The following NDUFA5 variants were observed in gnomAD, a reference collection of about 807,000 sequenced individuals.
The protein encoded by NDUFA5 is NADH:ubiquinone oxidoreductase subunit A5, also known as NADH dehydrogenase [ubiquinone] 1 alpha subcomplex subunit 5.
NDUFA5 carries 11 observed loss-of-function variants against 19.8 expected under a neutral mutation model. That is an observed-to-expected ratio of 0.56 (90% CI 0.35 to 0.92). The LOEUF is 0.92. Ranked by LOEUF, NDUFA5 falls within the 40% of genes least tolerant of loss-of-function variation. NDUFA5 has a pLI of 0.01. For missense variants in NDUFA5, 109 were observed against 134.2 expected (o/e 0.81, Z 0.93); for synonymous variants, 47 against 46.8 (o/e 1.00, Z -0.01).
At chr7:123,585,808 A>G in the NDUFA5 span, among the ~76,000 whole-genome samples, 3 of 151,836 alleles carry the variant, frequency 2.0e-5, no homozygotes, top group Non-Finnish European at 4.4e-5. Context: ...TAGATTCCAC[A>G]TATAAGAGAT....
rs1797777848 is a variant in NDUFA5 at position 123,537,178 on chromosome 7, T to C, written c.*4941A>G. On this transcript the variant is annotated 3_prime_UTR_variant, in exon 5 of 5. Coordinates refer to ENST00000355749, the MANE Select transcript of NDUFA5 (RefSeq NM_005000.5). ...ACGACTTCGTATTTCTCATGAAACA[T>C]CTACCTTTATTCATCTCAGCATTTA... is the stretch of plus-strand genomic sequence containing the variant. The C allele has an allele frequency of 6.6e-6, 1 of 152,208 alleles. No individual in the cohort carries two copies. Among genetic ancestry groups the C allele is most frequent in the South Asian group, 2.1e-4 (1 of 4,836 alleles). The allele number at this position is 152,208 out of a possible 1,614,324, so 9.4% of individuals were successfully genotyped here.
At chr7:123,557,053 T>C (rs978114883) in intron 2 of NDUFA5, 27 of 520,294 alleles carry the variant, frequency 5.2e-5, no homozygotes, top group Admixed American at 1.1e-4. Flanking sequence ...AGCCTAAATA[T>C]ATGTAATCCA....
At chr7:123,557,539 C>A (rs1798606858) in intron 1 of NDUFA5, 91 bp from the exon 2 acceptor site, 1 of 1,611,122 alleles carries the variant, frequency 6.2e-7, no homozygotes, top group Non-Finnish European at 8.5e-7. Context: ...AATCCCCCGG[C>A]TAAAACTGGT....
At chr7:123,560,282 T>C (rs1798672201), upstream of NDUFA5, among the ~76,000 whole-genome samples, 1 of 152,192 alleles carries the variant, frequency 6.6e-6, no homozygotes, top group African/African-American at 2.4e-5. Flanking sequence ...CAAATATTTT[T>C]CCACTCTCAC....
rs1258555746 is a variant in NDUFA5, at chr7:123,539,596, G to T, written c.*2523C>A. The stretch of plus-strand genomic sequence containing the variant: ...AAACACTGAAGATCTCTGAATAAAA[G>T]AATCATTTGCAAAGTGATCAGGAGA... On this transcript the variant is annotated 3_prime_UTR_variant, in exon 5 of 5. Coordinates refer to ENST00000355749, the MANE Select transcript of NDUFA5 (RefSeq NM_005000.5). 1 of 152,154 alleles carries T rather than the reference G, an allele frequency of 6.6e-6. No individual in the cohort carries two copies. Among genetic ancestry groups the T allele is most frequent in the East Asian group, 1.9e-4 (1 of 5,188 alleles). 9.4% of individuals were successfully genotyped at this position (152,154 alleles called of 1,614,324 possible). A position where few individuals can be genotyped will look rare whatever the true frequency, so the allele number is the denominator to read the frequency against.
At chr7:123,549,039 A>C (rs1186564794) in intron 3 of NDUFA5, among the ~76,000 whole-genome samples, 1 of 152,236 alleles carries the variant, frequency 6.6e-6, no homozygotes, top group African/African-American at 2.4e-5. Flanking sequence ...GAGATGATTT[A>C]AAGTATACAA....
chr7:123,548,063 T>C (rs1253784234), intron 3 of NDUFA5, among the ~76,000 whole-genome samples: 1 of 152,068 alleles, frequency 6.6e-6, no homozygotes, highest in Admixed American at 6.6e-5. Flanking sequence ...AAACAACGCT[T>C]TTCACCAAAA....
chr7:123,576,374 T>G, the NDUFA5 span, among the ~76,000 whole-genome samples: 1 of 152,094 alleles, frequency 6.6e-6, no homozygotes, highest in African/African-American at 2.4e-5. Context: ...GTAAAATATA[T>G]GATCATAATT....
chr7:123,587,311 A>G, the NDUFA5 span, among the ~76,000 whole-genome samples: 2 of 151,588 alleles, frequency 1.3e-5, no homozygotes, highest in Admixed American at 6.6e-5. Context: ...TAGCTATTGT[A>G]TATGGGATTT....
At chr7:123,578,718 T>C in the NDUFA5 span, among the ~76,000 whole-genome samples, 1 of 152,126 alleles carries the variant, frequency 6.6e-6, no homozygotes, top group East Asian at 1.9e-4. Context: ...AGACATTGAA[T>C]GCACGGTTAG....
At chr7:123,593,914 AC>A in the NDUFA5 span, among the ~76,000 whole-genome samples, 209 of 152,270 alleles carry the variant, frequency 1.4e-3, no homozygotes, top group African/African-American at 4.9e-3. Context: ...TTTCAGGTAC[AC>A]CAATCAAACA....
At chr7:123,561,185 C>T (rs558634149), upstream of NDUFA5, among the ~76,000 whole-genome samples, 21 of 152,306 alleles carry the variant, frequency 1.4e-4, no homozygotes, top group African/African-American at 5.1e-4. Context: ...AAAGATTTGT[C>T]AGTAGCAGAA....
the NDUFA5 span, among the ~76,000 whole-genome samples, chr7:123,569,246 G>A: frequency 6.6e-6 from 1 of 152,116 alleles, no homozygotes; most frequent in African/African-American, 2.4e-5. Flanking sequence ...TCTTAACATT[G>A]AGGGAATAAA....
chr7:123,588,862 T>C, the NDUFA5 span, among the ~76,000 whole-genome samples: 20 of 151,960 alleles, frequency 1.3e-4, no homozygotes, highest in African/African-American at 4.8e-4. Flanking sequence ...AATCTTCACA[T>C]ATTTTTTAAT....
At position 123,557,428 on chromosome 7, in the gene NDUFA5, C is replaced by G. The variant is rs1471829378; in HGVS notation, c.42G>C (p.Leu14Phe). Residue 14 changes from leucine (L) to phenylalanine (F), a missense_variant, in exon 2 of 5, where the codon TTG (leucine) becomes TTC (phenylalanine). Physicochemically the swap from Leu to Phe is conservative, Grantham distance 22. Coordinates refer to ENST00000355749, the MANE Select transcript of NDUFA5 (RefSeq NM_005000.5). ...VLKKTTGLVG[L>F]AVCNTPHERL... Reference sequence around the variant, plus strand: ...CCTCGTGAGGAGTATTGCACACAGCCAATCCCACAAGGCCAGTGGTCTGTT... The same window carrying G: ...CCTCGTGAGGAGTATTGCACACAGCGAATCCCACAAGGCCAGTGGTCTGTT... 1 of 1,612,938 alleles carries G rather than the reference C, an allele frequency of 6.2e-7. No homozygotes were observed. Among genetic ancestry groups the G allele is most frequent in the South Asian group, 1.1e-5 (1 of 90,930 alleles).
chr7:123,540,399 T>A lies in NDUFA5; in HGVS notation c.*1720A>T, dbSNP rs1797887103. 6.6e-6 allele frequency: 1 copy of A among 152,194 alleles called. No homozygotes were observed. The highest frequency in any genetic ancestry group is 1.5e-5 in the Non-Finnish European group (1 of 68,030). The allele number at this position is 152,194 out of a possible 1,614,324, so 9.4% of individuals were successfully genotyped here. ...AAAGATGCCCAAGAATCATGGCAGA[T>A]ACGGGACTGAAAATATGACAAAAAC... On this transcript the variant is annotated 3_prime_UTR_variant, in exon 5 of 5. Coordinates refer to ENST00000355749, the MANE Select transcript of NDUFA5 (RefSeq NM_005000.5).
At chr7:123,556,088 T>C (rs929665404) in intron 2 of NDUFA5, 3 of 152,068 alleles carry the variant, frequency 2.0e-5, no homozygotes, top group Non-Finnish European at 4.4e-5. Context: ...ACCTAGAGGG[T>C]TTACTGAAAT....
the NDUFA5 span, among the ~76,000 whole-genome samples, chr7:123,577,177 T>C: frequency 2.6e-5 from 4 of 152,202 alleles, no homozygotes; most frequent in Non-Finnish European, 4.4e-5. Flanking sequence ...AACTTAGATG[T>C]AAAGGTTTAC....
At position 123,557,412 on chromosome 7, in the gene NDUFA5, G is replaced by A. The variant is rs1327624547; in HGVS notation, c.58C>T (p.Pro20Ser). The A allele has an allele frequency of 3.1e-6, 5 of 1,613,338 alleles. No individual in the cohort carries two copies. Among genetic ancestry groups the A allele is most frequent in the East Asian group, 2.2e-5 (1 of 44,860 alleles). ...GLVGLAVCNT[P>S]HERLRILYTK... ...AGAACAAAGGTACATACCTCGTGAG[G>A]AGTATTGCACACAGCCAATCCCACA... The change falls in exon 2 of 5, where the codon CCT becomes TCT. Residue 20 changes from proline to serine, a missense_variant. Physicochemically the swap from Pro to Ser is moderately conservative, Grantham distance 74. Transcript: ENST00000355749.
Sources: gnomAD v4.1 joint callset for allele counts (sites outside exome capture counted in the v4.1 genomes callset) on GRCh38, gnomAD v4.1.1 for gene constraint, MANE v1.5 for transcripts, NCBI Gene and HGNC (gene_info 2026-07-23, HGNC 2026-07-21) for gene names.